PDZRN4: variants seen among roughly 807,000 people sequenced by gnomAD.
PDZRN4 encodes the protein PDZ domain containing ring finger 4.
PDZRN4 carries 70 observed loss-of-function variants against 99.0 expected under a neutral mutation model. The observed-to-expected ratio is 0.71, with a 90% CI of 0.58 to 0.86. The LOEUF is 0.86. Among genes scored for constraint, PDZRN4 ranks in the 40% least tolerant of loss-of-function variants. The pLI, the probability that PDZRN4 is intolerant of heterozygous loss-of-function variation, is 0.00. For missense variants in PDZRN4, 1,474 were observed against 1,331.2 expected (o/e 1.11, Z -1.67); for synonymous variants, 551 against 501.6 (o/e 1.10, Z -1.32).
chr12:41,330,256 T>C (rs1308263427), intron 3 of PDZRN4, among the ~76,000 whole-genome samples: 1 of 152,202 alleles, frequency 6.6e-6, no homozygotes, highest in Non-Finnish European at 1.5e-5. Context: ...GCTCACGAGT[T>C]GTCCTTGATC....
At chr12:41,364,048 T>C (rs10506191) in intron 3 of PDZRN4, among the ~76,000 whole-genome samples, 71,938 of 151,920 alleles carry the variant, frequency 0.47, 17,835 homozygotes, top group Middle Eastern at 0.65. Flanking sequence ...CTTTATCATC[T>C]TTCCAGTTAA....
In PDZRN4 at chr12:41,333,437, A is replaced by T. The variant is rs370780009; in HGVS notation, c.843+139249A>T. Among the ~76,000 whole-genome samples the T allele has an allele frequency of 5.7e-4, 86 of 152,170 alleles. No homozygotes were observed. In the South Asian group the frequency reaches 0.012, roughly 22 times the overall value. On this transcript the variant is annotated intron_variant, in intron 3 of 9. Transcript: ENST00000402685. ...GATGGAACAGACTGCTTGCTCCATGAATGGGGAGAGCTTGGCTCCTCAGTG... is the reference window on the plus strand; with the variant it reads ...GATGGAACAGACTGCTTGCTCCATGTATGGGGAGAGCTTGGCTCCTCAGTG...
intron 3 of PDZRN4, among the ~76,000 whole-genome samples, chr12:41,480,162 A>G (rs1937650703): frequency 2.0e-5 from 3 of 151,728 alleles, no homozygotes. Flanking sequence ...ATCTTCTTTC[A>G]CCTGCCACCT....
intron 7 of PDZRN4, among the ~76,000 whole-genome samples, chr12:41,556,976 C>G (rs186193341): frequency 2.2e-3 from 333 of 151,932 alleles, no homozygotes; most frequent in African/African-American, 7.9e-3. Flanking sequence ...ATGGTGAAAC[C>G]CTGTCTCTAC....
chr12:41,384,556 G>T (rs1952152238), intron 3 of PDZRN4, among the ~76,000 whole-genome samples: 1 of 152,156 alleles, frequency 6.6e-6, no homozygotes, highest in Non-Finnish European at 1.5e-5. Context: ...GAGAGACCCA[G>T]ATGTCCTCCG....
At chr12:41,542,944 T>C (rs1481346913) in intron 5 of PDZRN4, among the ~76,000 whole-genome samples, 1 of 152,216 alleles carries the variant, frequency 6.6e-6, no homozygotes, top group Non-Finnish European at 1.5e-5. Context: ...TAATTGCTTA[T>C]GTTTTATATA....
intron 7 of PDZRN4, among the ~76,000 whole-genome samples, chr12:41,559,464 TAAAA>T (rs1565615358): frequency 1.7e-4 from 26 of 152,138 alleles, no homozygotes; most frequent in African/African-American, 6.0e-4. Flanking sequence ...ATAACAAGAG[TAAAA>T]GACCACATAT....
chr12:41,406,911 A>T (rs10735994), intron 3 of PDZRN4, among the ~76,000 whole-genome samples: 74,510 of 150,476 alleles, frequency 0.5, 19,112 homozygotes, highest in African/African-American at 0.65. Context: ...GTTATTTCCC[A>T]TGTGTGTGTG....
At chr12:41,537,906 C>A (rs1938777157) in intron 5 of PDZRN4, among the ~76,000 whole-genome samples, 1 of 152,130 alleles carries the variant, frequency 6.6e-6, no homozygotes. Context: ...ATGTGGAGAT[C>A]TGGTTCTGAT....
chr12:41,341,450 G>T (rs778505078), intron 3 of PDZRN4, among the ~76,000 whole-genome samples: 37 of 151,730 alleles, frequency 2.4e-4, no homozygotes, highest in African/African-American at 8.7e-4. Context: ...TGTATATAAA[G>T]TATCCTAAAA....
rs1384553597 is a variant in PDZRN4, at chr12:41,188,825, G to A, written c.370G>A (p.Gly124Ser). Residue 124 changes from glycine to serine, a missense_variant, in exon 1 of 10, where the codon GGT becomes AGT. Coordinates refer to ENST00000402685, the MANE Select transcript of PDZRN4 (RefSeq NM_001164595.2). ...SRGGCASGLGGGEVPARGGCG... is the reference protein window; with the variant it reads ...SRGGCASGLGSGEVPARGGCG... ...CGGGGGCTGCGCTTCGGGGCTGGGC[G>A]GTGGTGAGGTGCCCGCGCGGGGGGG... The A allele has an allele frequency of 3.9e-6, 5 of 1,288,622 alleles. No homozygotes were observed. Among genetic ancestry groups the A allele is most frequent in the Non-Finnish European group, 3.9e-6 (4 of 1,020,742 alleles). 79.8% of individuals were successfully genotyped at this position (1,288,622 alleles called of 1,614,324 possible).
Position 41,491,938 on chromosome 12 carries a change from T to C in PDZRN4, c.844-14518T>C, listed in dbSNP as rs902250108. Among the ~76,000 whole-genome samples the C allele has an allele frequency of 1.7e-4, 26 of 152,308 alleles. No homozygotes were observed. The East Asian group carries it at 4.1e-3, about 24-fold the overall frequency. ...ATAGACTGAATAAAAATATTTTCAC[T>C]TGATATAATTTTAATAACCTAATTT... On this transcript the variant is annotated intron_variant, in intron 3 of 9. Coordinates refer to ENST00000402685, the MANE Select transcript of PDZRN4 (RefSeq NM_001164595.2).
chr12:41,452,005 C>T (rs1286789818), intron 3 of PDZRN4, among the ~76,000 whole-genome samples: 1 of 152,016 alleles, frequency 6.6e-6, no homozygotes, highest in Non-Finnish European at 1.5e-5. Context: ...GAGGGAAAAG[C>T]ACTTACTAAT....
intron 2 of PDZRN4, among the ~76,000 whole-genome samples, chr12:41,193,784 T>C (rs190162368): frequency 1.8e-4 from 28 of 152,354 alleles, no homozygotes; most frequent in African/African-American, 6.7e-4. Context: ...TTATAAATAA[T>C]ACTTAAAAGC....
chr12:41,315,621 C>A (rs1330494958), intron 3 of PDZRN4, among the ~76,000 whole-genome samples: 2 of 151,934 alleles, frequency 1.3e-5, no homozygotes, highest in African/African-American at 4.8e-5. Flanking sequence ...ATATAATAAG[C>A]TTGTAACACT....
At chr12:41,529,160 A>G (rs1285506648) in intron 5 of PDZRN4, among the ~76,000 whole-genome samples, 1 of 152,128 alleles carries the variant, frequency 6.6e-6, no homozygotes, top group African/African-American at 2.4e-5. Flanking sequence ...CAAGCTGAAA[A>G]GGACTGAGCT....
intron 3 of PDZRN4, among the ~76,000 whole-genome samples, chr12:41,483,843 G>A (rs997147060): frequency 1.3e-5 from 2 of 152,062 alleles, no homozygotes; most frequent in African/African-American, 4.8e-5. Flanking sequence ...AATTCTCTTT[G>A]GCTCAATGCA....
intron 3 of PDZRN4, among the ~76,000 whole-genome samples, chr12:41,440,156 T>C (rs559986782): frequency 2.7e-4 from 41 of 152,274 alleles, no homozygotes; most frequent in African/African-American, 9.9e-4. Flanking sequence ...TAGCTGTATA[T>C]TAAAATAAAC....
chr12:41,191,735 A>G (rs976703528), intron 2 of PDZRN4, among the ~76,000 whole-genome samples, 191 bp downstream of exon 2: 1 of 151,940 alleles, frequency 6.6e-6, no homozygotes, highest in Non-Finnish European at 1.5e-5. Context: ...ATTCCAGTAC[A>G]TACCCAGATT....
Sources: gnomAD v4.1 joint callset for allele counts (sites outside exome capture counted in the v4.1 genomes callset) on GRCh38, gnomAD v4.1.1 for gene constraint, MANE v1.5 for transcripts, NCBI Gene and HGNC (gene_info 2026-07-23, HGNC 2026-07-21) for gene names.